Variants in FLCN observed in about 807,000 individuals in gnomAD.
The protein encoded by FLCN is folliculin.
A neutral mutation model predicts 62.5 loss-of-function variants in FLCN; 22 were observed. The observed-to-expected ratio is 0.35, with a 90% CI of 0.25 to 0.50. FLCN has a LOEUF of 0.50. FLCN is among the 20% of genes least tolerant of loss of function. The probability of loss-of-function intolerance (pLI) is 0.97; values close to 1 mark genes in which losing one functional copy is unlikely to be tolerated. For missense variants in FLCN, 657 were observed against 778.0 expected (o/e 0.84, Z 1.85); for synonymous variants, 319 against 310.0 (o/e 1.03, Z -0.30).
At chr17:17,226,600 A>G (rs1190508911) in intron 4 of FLCN, among the ~76,000 whole-genome samples, 1 of 152,154 alleles carries the variant, frequency 6.6e-6, no homozygotes, top group Non-Finnish European at 1.5e-5. Flanking sequence ...ATCTCATTCA[A>G]TCCCAAGTGC....
At chr17:17,228,249 G>A in intron 3 of FLCN, 88 bp from the exon 4 acceptor site, 1 of 1,473,056 alleles carries the variant, frequency 6.8e-7, no homozygotes, top group South Asian at 1.3e-5. Context: ...GGGAGCACCT[G>A]GGTGCCATGG....
intron 1 of FLCN, chr17:17,235,656 C>A (rs1377299935): frequency 6.6e-6 from 1 of 152,146 alleles, no homozygotes; most frequent in African/African-American, 2.4e-5. Context: ...CTGAATACCA[C>A]CCAAAAGCTG....
chr17:17,219,598 C>G (rs914336624), intron 8 of FLCN: 6 of 211,958 alleles, frequency 2.8e-5, no homozygotes, highest in Non-Finnish European at 4.3e-5. Flanking sequence ...GAGACGGAGT[C>G]TCACTCTGTC....
In FLCN at chr17:17,219,106, G is replaced by A. The variant is rs530884373; in HGVS notation, c.975C>T (p.Gly325=). 6.2e-7 allele frequency: 1 copy of A among 1,614,178 alleles called. No individual in the cohort carries two copies. Among genetic ancestry groups the A allele is most frequent in the African/African-American group, 1.3e-5 (1 of 75,064 alleles). ...ESTEGRELTQ[G]PAESSSLSGC... ...CTGAGAGAGAGGAGGACTCTGCCGG[G>A]CCCTGGGTCAGCTCCCGCCCTTCTG... Residue 325 remains glycine, a synonymous_variant, in exon 9 of 14, where the codon GGC becomes GGT. Transcript: ENST00000285071.
Position 17,219,228 on chromosome 17 carries a change from G to A in FLCN, c.872-19C>T, listed in dbSNP as rs1366250511. 1.2e-6 allele frequency: 2 copies of A among 1,612,534 alleles called. No homozygotes were observed. The highest frequency in any genetic ancestry group is 1.1e-5 in the South Asian group (1 of 91,084). On this transcript the variant is annotated intron_variant, in intron 8 of 13. Transcript: ENST00000285071. ...TCTAAATCTGCAAGACAGATGACAA[G>A]GACAGTTACAGATACAAACAGTCTC...
At chr17:17,227,833 T>TG in intron 4 of FLCN, 56 bp downstream of exon 4, 1 of 1,613,280 alleles carries the variant, frequency 6.2e-7, no homozygotes, top group South Asian at 1.1e-5. Context: ...CAGGTCCTCC[T>TG]GTCCATCCCA....
chr17:17,233,336 G>A (rs1303578538), intron 1 of FLCN, among the ~76,000 whole-genome samples: 5 of 152,064 alleles, frequency 3.3e-5, no homozygotes, highest in Admixed American at 2.0e-4. Context: ...GGTGGCTCAC[G>A]CCTGTAACCC....
chr17:17,217,232 T>C (rs1256291912), intron 9 of FLCN, 50 bp from the exon 10 acceptor site: 20 of 1,228,782 alleles, frequency 1.6e-5, no homozygotes, highest in Non-Finnish European at 2.0e-5. Context: ...AAATGGTTTT[T>C]CTCTCCCTTC....
chr17:17,222,546 G>T lies in FLCN; in HGVS notation c.734C>A (p.Thr245Lys), dbSNP rs371401039. 7 of 1,614,116 alleles carry T rather than the reference G, an allele frequency of 4.3e-6. No individual in the cohort carries two copies. Among genetic ancestry groups the T allele is most frequent in the Non-Finnish European group, 5.9e-6 (7 of 1,180,040 alleles). Reference protein sequence around the residue: ...GNAARSLTSLTSDDNLWACLH... With the variant: ...GNAARSLTSLKSDDNLWACLH... ...GCACGCCCACAGGTTGTCATCACTTGTCAGCGATGTCAGCGAGCGGGCGGC... is the reference window on the plus strand; with the variant it reads ...GCACGCCCACAGGTTGTCATCACTTTTCAGCGATGTCAGCGAGCGGGCGGC... The change falls in exon 7 of 14, where the codon ACA becomes AAA. Residue 245 changes from threonine (T) to lysine (K), a missense_variant. By Grantham distance (78) the Thr-to-Lys change is moderately conservative (BLOSUM62 -1). Transcript: ENST00000285071.
chr17:17,215,433 GAA>G (rs534634451), intron 11 of FLCN, 117 bp from the exon 12 acceptor site: 3 of 1,492,496 alleles, frequency 2.0e-6, no homozygotes, highest in Non-Finnish European at 2.8e-6. Context: ...GGCTGCTGGT[GAA>G]AAGACTGGCC....
intron 3 of FLCN, 108 bp from the exon 4 acceptor site, chr17:17,228,269 C>T: frequency 7.3e-7 from 1 of 1,364,546 alleles, no homozygotes; most frequent in Non-Finnish European, 9.8e-7. Flanking sequence ...GACTTCCTGC[C>T]CAGGAGAGGC....
chr17:17,225,067 C>T (rs1300671332), intron 5 of FLCN: 1 of 152,238 alleles, frequency 6.6e-6, no homozygotes. Flanking sequence ...AGTTTAGTAA[C>T]TGAACGACGA....
chr17:17,213,474 G>C lies in FLCN; in HGVS notation c.*181C>G. On this transcript the variant is annotated 3_prime_UTR_variant, in exon 14 of 14. Coordinates refer to ENST00000285071, the MANE Select transcript of FLCN (RefSeq NM_144997.7). Reference sequence around the variant, plus strand: ...TCAGCGATTCCAACGGCTGGAGGGAGAGTCTGGGAAGCACACAGGCCCCAA... The same window carrying C: ...TCAGCGATTCCAACGGCTGGAGGGACAGTCTGGGAAGCACACAGGCCCCAA... 2 of 732,306 alleles carry C rather than the reference G, an allele frequency of 2.7e-6. No homozygotes were observed. Among genetic ancestry groups the C allele is most frequent in the Non-Finnish European group, 4.7e-6 (2 of 429,598 alleles). 45.4% of individuals were successfully genotyped at this position (732,306 alleles called of 1,614,324 possible).
chr17:17,233,471 C>T (rs1047182031), intron 1 of FLCN, among the ~76,000 whole-genome samples: 1 of 151,330 alleles, frequency 6.6e-6, no homozygotes, highest in African/African-American at 2.4e-5. Flanking sequence ...TGGTGACAGG[C>T]GCCTATAGTC....
chr17:17,222,590 T>G lies in FLCN; in HGVS notation c.690A>C (p.Leu230=), dbSNP rs373977390. 1.2e-6 allele frequency: 2 copies of G among 1,614,086 alleles called. No homozygotes were observed. Among genetic ancestry groups the G allele is most frequent in the African/African-American group, 2.7e-5 (2 of 74,926 alleles). The change falls in exon 7 of 14, where the codon CTA becomes CTC. Residue 230 remains leucine (L), a synonymous_variant. Coordinates refer to ENST00000285071, the MANE Select transcript of FLCN (RefSeq NM_144997.7). ...GGGCGGCGTTGCCGTTCCTCTGGTG[T>G]AGGAATGGCGTGAAGGCTGTGTTCA... ...QRMNTAFTPF[L]HQRNGNAARS...
chr17:17,214,942 C>T, intron 13 of FLCN, 43 bp downstream of exon 13: 1 of 1,597,394 alleles, frequency 6.3e-7, no homozygotes, highest in Non-Finnish European at 8.6e-7. Context: ...CAGGTTTTCT[C>T]CAGGGTCGCA....
At chr17:17,232,525 C>CA (rs2047455360) in intron 2 of FLCN, among the ~76,000 whole-genome samples, 1 of 152,108 alleles carries the variant, frequency 6.6e-6, no homozygotes, top group African/African-American at 2.4e-5. Context: ...ACCAAACAGA[C>CA]AGTTTCAATA....
At chr17:17,226,696 G>A (rs764206349) in intron 4 of FLCN, among the ~76,000 whole-genome samples, 6 of 152,202 alleles carry the variant, frequency 3.9e-5, no homozygotes, top group Non-Finnish European at 8.8e-5. Context: ...GCCCGAGGGT[G>A]AGGGGCTCTG....
At chr17:17,221,659 C>T in intron 7 of FLCN, 31 bp from the exon 8 acceptor site, 1 of 1,599,262 alleles carries the variant, frequency 6.3e-7, no homozygotes, top group Non-Finnish European at 8.5e-7. Context: ...TATGAGCGTT[C>T]TCGCCAAAGG....
Sources: gnomAD v4.1 joint callset for allele counts (sites outside exome capture counted in the v4.1 genomes callset) on GRCh38, gnomAD v4.1.1 for gene constraint, MANE v1.5 for transcripts, NCBI Gene and HGNC (gene_info 2026-07-23, HGNC 2026-07-21) for gene names.